The following PDCD11 variants were observed in gnomAD, a reference collection of about 807,000 sequenced individuals.
The protein encoded by PDCD11 is programmed cell death 11, also known as protein RRP5 homolog.
Under a neutral mutation model 198.9 loss-of-function variants are expected in PDCD11, and 97 were observed. That is an observed-to-expected ratio of 0.49 (90% CI 0.41 to 0.58). The LOEUF is 0.58. Ranked by LOEUF, PDCD11 falls within the 20% of genes least tolerant of loss-of-function variation. The probability of loss-of-function intolerance (pLI) is 0.00; values close to 1 mark genes in which losing one functional copy is unlikely to be tolerated. For missense variants in PDCD11, 2,102 were observed against 2,312.7 expected (o/e 0.91, Z 1.87); for synonymous variants, 893 against 918.0 (o/e 0.97, Z 0.49).
Position 103,425,166 on chromosome 10 carries a change from C to T in PDCD11, c.2946C>T (p.Thr982=), listed in dbSNP as rs761597957. 1.9e-6 allele frequency: 3 copies of T among 1,614,108 alleles called. No homozygotes were observed. In the East Asian group the frequency reaches 6.7e-5, roughly 36 times the overall value. ...VGQGVSLTLK[T]TEPGVTGLLL... is the part of the protein sequence containing the mutation. ...AGGGTGTCTCCCTAACCCTCAAGAC[C>T]ACAGAACCAGGAGTGACTGGCCTTC... is the stretch of plus-strand genomic sequence containing the variant. The change falls in exon 20 of 36, where the codon ACC becomes ACT. Residue 982 remains threonine, a synonymous_variant. Transcript: ENST00000369797.
chr10:103,433,304 G>A (rs1402673241), intron 22 of PDCD11, among the ~76,000 whole-genome samples: 3 of 152,124 alleles, frequency 2.0e-5, no homozygotes, highest in African/African-American at 7.2e-5. Context: ...AGACCAGCCT[G>A]GCCAACATGG....
At chr10:103,442,573 C>A (rs2032437018) in intron 32 of PDCD11, 113 bp downstream of exon 32, 6 of 1,162,006 alleles carry the variant, frequency 5.2e-6, no homozygotes, top group Admixed American at 2.1e-5. Flanking sequence ...GGGTGGCTGC[C>A]ACCAGGGGCC....
In PDCD11 at chr10:103,418,445, A is replaced by G. The variant is rs1391501319; in HGVS notation, c.1917A>G (p.Val639=). Residue 639 remains valine (V), a synonymous_variant, in exon 15 of 36, where the codon GTA becomes GTG. Coordinates refer to ENST00000369797, the MANE Select transcript of PDCD11 (RefSeq NM_014976.2). ...KGKAINIGQL[V]DVKVLEKTKD... ...TCTTTCTCTTCCCTGGGTAGTTGGT[A>G]GATGTGAAGGTTTTAGAGAAGACCA... 3.1e-6 allele frequency: 5 copies of G among 1,612,734 alleles called. No individual in the cohort carries two copies. The African/African-American group carries it at 6.7e-5, about 22-fold the overall frequency.
intron 7 of PDCD11, among the ~76,000 whole-genome samples, chr10:103,408,538 ATTATTTAT>A (rs1157096711): frequency 6.6e-6 from 1 of 151,640 alleles, no homozygotes; most frequent in Non-Finnish European, 1.5e-5. Flanking sequence ...AATTTTTATA[ATTATTTAT>A]TTATTTATTT....
At position 103,413,131 on chromosome 10, in the gene PDCD11, C is replaced by CT; in HGVS notation, c.997dup (p.Cys333LeufsTer38). On this transcript the variant is annotated frameshift_variant, in exon 9 of 36. Transcript: ENST00000369797. LOFTEE classifies it high-confidence loss of function. ...TTTTGTCTAGGTGAGGGCCTGCATC[C>CT]TTTGCGTCCATCCTCGAACCAGAGT... 1 of 1,614,098 alleles carries CT rather than the reference C, an allele frequency of 6.2e-7. No homozygotes were observed. Among genetic ancestry groups the CT allele is most frequent in the Non-Finnish European group, 8.5e-7 (1 of 1,180,012 alleles).
intron 19 of PDCD11, among the ~76,000 whole-genome samples, chr10:103,424,218 CTT>C (rs748271630): frequency 2.0e-5 from 3 of 152,162 alleles, no homozygotes; most frequent in Admixed American, 6.5e-5. Flanking sequence ...CTTCTGGACA[CTT>C]TTGTGTGACA....
intron 3 of PDCD11, 98 bp from the exon 4 acceptor site, chr10:103,403,020 C>T: frequency 1.7e-6 from 2 of 1,158,756 alleles, no homozygotes; most frequent in South Asian, 2.8e-5. Flanking sequence ...CTGTGCTTGG[C>T]CTTATAGCTT....
chr10:103,402,873 A>C (rs955257947), intron 3 of PDCD11, among the ~76,000 whole-genome samples: 1 of 152,088 alleles, frequency 6.6e-6, no homozygotes. Flanking sequence ...ACCTGCGACT[A>C]CAGGCGTGTA....
chr10:103,435,365 CTGT>C (rs1196784554), intron 25 of PDCD11, among the ~76,000 whole-genome samples: 7 of 151,646 alleles, frequency 4.6e-5, no homozygotes, highest in Admixed American at 4.6e-4. Context: ...AACCAATTCT[CTGT>C]TGATAGACAA....
At position 103,444,563 on chromosome 10, in the gene PDCD11, G is replaced by T. The variant is rs776705648; in HGVS notation, c.5325G>T (p.Gly1775=). The T allele has an allele frequency of 1.2e-6, 2 of 1,614,178 alleles. No individual in the cohort carries two copies. The highest frequency in any genetic ancestry group is 8.5e-7 in the Non-Finnish European group (1 of 1,180,018). The stretch of plus-strand genomic sequence containing the variant: ...TTGCCCAGCTTGAGTTTCAGCTGGG[G>T]GATGCAGAGCGGGCCAAAGCCATTT... The part of the protein sequence containing the change: ...AKFAQLEFQL[G]DAERAKAIFE... The change falls in exon 35 of 36, where the codon GGG becomes GGT. Residue 1775 remains glycine (G), a synonymous_variant. Transcript: ENST00000369797.
intron 12 of PDCD11, among the ~76,000 whole-genome samples, chr10:103,415,475 G>A (rs905119278): frequency 4.0e-5 from 6 of 151,456 alleles, no homozygotes; most frequent in Admixed American, 2.6e-4. Context: ...TATCAGTAGC[G>A]ACTGCCACGA....
intron 11 of PDCD11, 28 bp from the exon 12 acceptor site, chr10:103,414,977 T>C: frequency 1.2e-6 from 2 of 1,612,456 alleles, no homozygotes; most frequent in Non-Finnish European, 1.7e-6. Context: ...CTTGAGACAT[T>C]GTGGCAGCTT....
chr10:103,435,614 G>A (rs1225791116), intron 25 of PDCD11, among the ~76,000 whole-genome samples: 1 of 151,986 alleles, frequency 6.6e-6, no homozygotes. Flanking sequence ...CCAAGTTCAA[G>A]CAATTCTCCT....
At chr10:103,438,910 T>C in intron 27 of PDCD11, 102 bp downstream of exon 27, 1 of 1,256,734 alleles carries the variant, frequency 8.0e-7, no homozygotes, top group Admixed American at 2.1e-5. Context: ...GATGGGAATA[T>C]GAAGGGAGGA....
intron 4 of PDCD11, among the ~76,000 whole-genome samples, chr10:103,403,701 T>C (rs1000071275): frequency 5.9e-5 from 9 of 152,220 alleles, no homozygotes; most frequent in African/African-American, 2.2e-4. Flanking sequence ...ATGTTCTCAC[T>C]GGGGTACAGC....
Position 103,442,404 on chromosome 10 carries a change from G to A in PDCD11, c.4899G>A (p.Thr1633=), listed in dbSNP as rs759206899. Residue 1633 remains threonine, a synonymous_variant, in exon 32 of 36, where the codon ACG becomes ACA. Transcript: ENST00000369797. ...LQYMAFHLQA[T]EIEKARAVAE... ...ACATGGCTTTCCACCTGCAGGCCACGGAGATCGAGAAGGCCCGTGCCGTGG... is the reference window on the plus strand; with the variant it reads ...ACATGGCTTTCCACCTGCAGGCCACAGAGATCGAGAAGGCCCGTGCCGTGG... The A allele has an allele frequency of 5.6e-6, 9 of 1,614,072 alleles. No individual in the cohort carries two copies. The highest frequency in any genetic ancestry group is 1.7e-5 in the Admixed American group (1 of 60,012).
At chr10:103,419,016 C>T (rs2031277177) in intron 15 of PDCD11, among the ~76,000 whole-genome samples, 3 of 151,602 alleles carry the variant, frequency 2.0e-5, no homozygotes, top group South Asian at 2.1e-4. Flanking sequence ...CTTCTCCCCG[C>T]GGGGCTATAG....
intron 27 of PDCD11, 28 bp from the exon 28 acceptor site, chr10:103,439,718 C>T: frequency 6.2e-7 from 1 of 1,613,974 alleles, no homozygotes; most frequent in Non-Finnish European, 8.5e-7. Context: ...CATTTGTGAC[C>T]ACAGGACTCT....
intron 15 of PDCD11, 140 bp downstream of exon 15, chr10:103,418,774 T>A: frequency 1.4e-6 from 1 of 717,078 alleles, no homozygotes; most frequent in Non-Finnish European, 2.3e-6. Flanking sequence ...GCCTGTGCTA[T>A]GGAAAGTAAG....
Sources: gnomAD v4.1 joint callset for allele counts (sites outside exome capture counted in the v4.1 genomes callset) on GRCh38, gnomAD v4.1.1 for gene constraint, MANE v1.5 for transcripts, NCBI Gene and HGNC (gene_info 2026-07-23, HGNC 2026-07-21) for gene names.